Variants in WDR86 observed in about 807,000 individuals in gnomAD.
The protein encoded by WDR86 is WD repeat-containing protein 86.
In WDR86, 30 loss-of-function variants were observed where a neutral mutation model predicts 36.5. The observed-to-expected ratio is 0.82, with a 90% CI of 0.61 to 1.11. The LOEUF is 1.11. Among genes scored for constraint, WDR86 ranks in the 50% most tolerant of loss-of-function variants. The pLI, the probability that WDR86 is intolerant of heterozygous loss-of-function variation, is 0.00. For missense variants in WDR86, 545 were observed against 561.2 expected (o/e 0.97, Z 0.29); for synonymous variants, 255 against 252.9 (o/e 1.01, Z -0.08).
rs150904880 is a variant in WDR86 at position 151,388,791 on chromosome 7, G to A, written c.727-3568C>T. On this transcript the variant is annotated intron_variant, in intron 3 of 5. Transcript: ENST00000334493. This position sits in a 1 kb window ranked among gnomAD's most constrained non-coding sequence, Gnocchi z 4.2. ...GGTCCCCAGGCTGACGGTCGGAGGC[G>A]GGGTATATGAAGCTATGGTCTGAGT... Among the ~76,000 whole-genome samples, 19 of 152,276 alleles carry A rather than the reference G, an allele frequency of 1.2e-4. No individual in the cohort carries two copies. In the East Asian group the frequency reaches 2.1e-3, roughly 17 times the overall value.
At position 151,388,444 on chromosome 7, in the gene WDR86, G is replaced by A. The variant is rs1220563973; in HGVS notation, c.727-3221C>T. On this transcript the variant is annotated intron_variant, in intron 3 of 5. Transcript: ENST00000334493. This position sits in a 1 kb window ranked among gnomAD's most constrained non-coding sequence, Gnocchi z 4.2. ...CGACCCCTCAAAGAGCAGGGGAGAG[G>A]GCTGCCCTGCAGCGCAGGGCCACCA... Among the ~76,000 whole-genome samples the A allele has an allele frequency of 9.7e-6, 1 of 103,202 alleles. No homozygotes were observed. The highest frequency in any genetic ancestry group is 1.9e-5 in the Non-Finnish European group (1 of 51,420). 67.7% of individuals were successfully genotyped at this position (103,202 alleles called of 152,430 possible). A position where few individuals can be genotyped will look rare whatever the true frequency, so the allele number is the denominator to read the frequency against.
At chr7:151,387,101 C>T (rs1585004488) in intron 3 of WDR86, among the ~76,000 whole-genome samples, 1 of 152,216 alleles carries the variant, frequency 6.6e-6, no homozygotes, top group Admixed American at 6.5e-5. Context: ...CCTGTGCTTG[C>T]GTCCCAGACA....
chr7:151,400,202 T>TG lies in WDR86; in HGVS notation c.202_203insC (p.Glu68AlafsTer49), dbSNP rs777638166. 1 of 1,611,202 alleles carries TG rather than the reference T, an allele frequency of 6.2e-7. No homozygotes were observed. Among genetic ancestry groups the TG allele is most frequent in the Non-Finnish European group, 8.5e-7 (1 of 1,178,700 alleles). ...GTCGGCGCTGCATGTGAAGGCAGCCTCATCCTCCAGCTGGCAGAAGGTCAC... is the reference window on the plus strand; with the variant it reads ...GTCGGCGCTGCATGTGAAGGCAGCCTGCATCCTCCAGCTGGCAGAAGGTCAC... On this transcript the variant is annotated frameshift_variant, in exon 2 of 6. Coordinates refer to ENST00000334493, the MANE Select transcript of WDR86 (RefSeq NM_198285.3). LOFTEE classifies it high-confidence loss of function.
downstream of WDR86, chr7:151,376,640 T>C (rs1798284626): frequency 3.1e-6 from 5 of 1,610,246 alleles, no homozygotes; most frequent in South Asian, 4.4e-5. Context: ...CTAGTTGGTG[T>C]ACATGGGTTT....
chr7:151,382,061 C>G, intron 4 of WDR86, 80 bp from the exon 5 acceptor site: 3 of 1,318,034 alleles, frequency 2.3e-6, no homozygotes, highest in South Asian at 1.3e-5. Flanking sequence ...AGAGCGTGAC[C>G]TGGGGCGTCT....
At chr7:151,395,214 G>A (rs1396813797) in intron 3 of WDR86, among the ~76,000 whole-genome samples, 2 of 152,180 alleles carry the variant, frequency 1.3e-5, no homozygotes, top group Admixed American at 6.5e-5. Flanking sequence ...CGTTCACCCT[G>A]ACAGCACAAA....
downstream of WDR86, among the ~76,000 whole-genome samples, chr7:151,372,767 G>A (rs953455799): frequency 2.0e-5 from 3 of 152,152 alleles, no homozygotes; most frequent in African/African-American, 7.2e-5. Context: ...TGGAATGACG[G>A]AGCCTGCTGC....
intron 1 of WDR86, among the ~76,000 whole-genome samples, chr7:151,407,799 C>A (rs1187964005): frequency 6.6e-6 from 1 of 152,170 alleles, no homozygotes; most frequent in Admixed American, 6.5e-5. Flanking sequence ...CAAGATCGTG[C>A]CACTGCACTC....
intron 3 of WDR86, among the ~76,000 whole-genome samples, chr7:151,389,176 G>C (rs1799217095): frequency 1.3e-5 from 2 of 150,040 alleles, no homozygotes; most frequent in Admixed American, 6.6e-5. Flanking sequence ...GGCTGGTCTG[G>C]GAACCCTGGC....
At chr7:151,392,003 C>T (rs910932208) in intron 3 of WDR86, among the ~76,000 whole-genome samples, 3 of 152,178 alleles carry the variant, frequency 2.0e-5, no homozygotes, top group Admixed American at 1.3e-4. Flanking sequence ...AACCATCAGA[C>T]GTTTGGCTGC....
chr7:151,379,544 AGAC>A (rs1325899321), downstream of WDR86, among the ~76,000 whole-genome samples: 2 of 152,198 alleles, frequency 1.3e-5, no homozygotes, highest in African/African-American at 4.8e-5. Context: ...TCAGGGGATC[AGAC>A]TCTCTCACTC....
chr7:151,407,824 A>G (rs1201677720), intron 1 of WDR86, among the ~76,000 whole-genome samples: 3 of 152,110 alleles, frequency 2.0e-5, no homozygotes, highest in African/African-American at 7.2e-5. Flanking sequence ...CTGGGCAACA[A>G]GAGCGAAACT....
At chr7:151,398,977 A>G (rs1348818387) in intron 2 of WDR86, among the ~76,000 whole-genome samples, 1 of 152,070 alleles carries the variant, frequency 6.6e-6, no homozygotes, top group Non-Finnish European at 1.5e-5. Flanking sequence ...AGTGCTGGGA[A>G]GAGGCCAGTG....
chr7:151,410,023 C>G lies in WDR86; in HGVS notation c.-434G>C, dbSNP rs1416059393. 1 of 993,106 alleles carries G rather than the reference C, an allele frequency of 1.0e-6. No individual in the cohort carries two copies. Among genetic ancestry groups the G allele is most frequent in the African/African-American group, 1.7e-5 (1 of 57,666 alleles). The allele number at this position is 993,106 out of a possible 1,614,324, so 61.5% of individuals were successfully genotyped here. A position where few individuals can be genotyped will look rare whatever the true frequency, so the allele number is the denominator to read the frequency against. ...GCGCCCCGCGCCCTCCCCGGCCGAG[C>G]GCGGAACAATACGGTCCAGCCTGGC... On this transcript the variant is annotated 5_prime_UTR_variant, in exon 1 of 6. Coordinates refer to ENST00000334493, the MANE Select transcript of WDR86 (RefSeq NM_198285.3).
chr7:151,381,824 CG>C lies in WDR86; in HGVS notation c.966+53del. The C allele has an allele frequency of 6.5e-7, 1 of 1,543,588 alleles. No individual in the cohort carries two copies. The highest frequency in any genetic ancestry group is 1.2e-5 in the South Asian group (1 of 83,816). The stretch of plus-strand genomic sequence containing the variant: ...CGCTGCCCGCGTGGATGGATCGGGG[CG>C]GGGCACCTTCCCTCCCACGGGCGGC... On this transcript the variant is annotated intron_variant, in intron 5 of 5. Coordinates refer to ENST00000334493, the MANE Select transcript of WDR86 (RefSeq NM_198285.3). The surrounding 1 kb of genome is among the most constrained non-coding windows in gnomAD (Gnocchi z 4.8).
chr7:151,370,655 T>C, the WDR86 span, among the ~76,000 whole-genome samples: 5 of 151,710 alleles, frequency 3.3e-5, no homozygotes, highest in African/African-American at 1.2e-4. Flanking sequence ...AACTCGTCAT[T>C]TAGCATTAGG....
chr7:151,403,918 A>G (rs1294718933), intron 1 of WDR86, among the ~76,000 whole-genome samples: 2 of 152,152 alleles, frequency 1.3e-5, no homozygotes, highest in Admixed American at 6.5e-5. Context: ...GCACCTGCCT[A>G]AGGATCCTGT....
intron 3 of WDR86, among the ~76,000 whole-genome samples, chr7:151,395,244 C>T (rs1183894343): frequency 6.6e-6 from 1 of 152,238 alleles, no homozygotes; most frequent in Non-Finnish European, 1.5e-5. Flanking sequence ...GGAAAACAGT[C>T]AACACCCGCT....
chr7:151,395,892 G>T lies in WDR86; in HGVS notation c.610C>A (p.Pro204Thr). ...GAVLCLVLDTPGHTAFTGSTD... is the reference protein window; with the variant it reads ...GAVLCLVLDTTGHTAFTGSTD... ...CTGCCTGTGAAGGCCGTGTGGCCGG[G>T]CGTGTCTAGCACTAGGCACAGCACT... Residue 204 changes from proline to threonine, a missense_variant, in exon 3 of 6, where the codon CCC (proline) becomes ACC (threonine). Coordinates refer to ENST00000334493, the MANE Select transcript of WDR86 (RefSeq NM_198285.3). 2 of 1,602,478 alleles carry T rather than the reference G, an allele frequency of 1.2e-6. No homozygotes were observed.
Sources: allele counts gnomAD v4.1 joint callset (sites outside exome capture counted in the v4.1 genomes callset), GRCh38; gene constraint gnomAD v4.1.1; non-coding constraint Gnocchi (gnomAD v3.1); transcripts MANE v1.5; gene names NCBI Gene and HGNC (gene_info 2026-07-23, HGNC 2026-07-21).